The following KIAA1958 variants were observed in gnomAD, a reference collection of about 807,000 sequenced individuals.
The protein encoded by KIAA1958 is KIAA1958, also known as uncharacterized protein KIAA1958.
KIAA1958 carries 14 observed loss-of-function variants against 47.2 expected under a neutral mutation model. The observed-to-expected ratio is 0.30, with a 90% CI of 0.20 to 0.46. The LOEUF is 0.46. KIAA1958 is among the 20% of genes least tolerant of loss of function. The pLI is 1.00. For synonymous variants in KIAA1958, 354 were observed against 353.3 expected (o/e 1.00, Z -0.02); for missense variants, 803 against 909.2 (o/e 0.88, Z 1.50).
intron 1 of KIAA1958, among the ~76,000 whole-genome samples, chr9:112,519,218 A>G (rs1834495261): frequency 6.6e-6 from 1 of 152,182 alleles, no homozygotes; most frequent in Non-Finnish European, 1.5e-5. Context: ...TGTTAGGATT[A>G]CAGACATGAG....
Position 112,667,030 on chromosome 9 carries a change from C to T in KIAA1958, c.*6961C>T, listed in dbSNP as rs926331112. On this transcript the variant is annotated 3_prime_UTR_variant, in exon 4 of 4. Coordinates refer to ENST00000337530, the MANE Select transcript of KIAA1958 (RefSeq NM_133465.4). Reference sequence around the variant, plus strand: ...CAATAAATACCTGAGTAGCAGAACACGCAAATATTATGATTTTTTATGTAT... The same window carrying T: ...CAATAAATACCTGAGTAGCAGAACATGCAAATATTATGATTTTTTATGTAT... The T allele has an allele frequency of 2.6e-5, 4 of 152,090 alleles. No individual in the cohort carries two copies. The highest frequency in any genetic ancestry group is 9.7e-5 in the African/African-American group (4 of 41,402). 9.4% of individuals were successfully genotyped at this position (152,090 alleles called of 1,614,324 possible).
At chr9:112,634,468 T>C (rs1434678199) in intron 2 of KIAA1958, among the ~76,000 whole-genome samples, 1 of 152,198 alleles carries the variant, frequency 6.6e-6, no homozygotes, top group African/African-American at 2.4e-5. Flanking sequence ...TGACCTCAAG[T>C]GATCCGCCAG....
chr9:112,489,409 A>G (rs1036048270), intron 1 of KIAA1958, among the ~76,000 whole-genome samples: 8 of 151,648 alleles, frequency 5.3e-5, no homozygotes, highest in African/African-American at 1.9e-4. Context: ...GTTTTCTGAG[A>G]TCATCAATGT....
At chr9:112,553,621 C>T (rs1412299412) in intron 1 of KIAA1958, among the ~76,000 whole-genome samples, 4 of 152,294 alleles carry the variant, frequency 2.6e-5, no homozygotes, top group Middle Eastern at 3.4e-3. Flanking sequence ...GAGCTTGGAA[C>T]AACATAGTAA....
rs1391605378 is a variant in KIAA1958 at position 112,618,014 on chromosome 9, A to G, written c.1172-27636A>G. The stretch of plus-strand genomic sequence containing the variant: ...AAGAGAGATTTATGTCATCCCTTGC[A>G]AGGAGTTGGATGCCTACCTTGCCTC... On this transcript the variant is annotated intron_variant, in intron 2 of 3. Transcript: ENST00000337530. The surrounding 1 kb of genome is among the most constrained non-coding windows in gnomAD (Gnocchi z 7.1). The G allele has an allele frequency of 5.8e-6, 9 of 1,550,458 alleles. No individual in the cohort carries two copies. Among genetic ancestry groups the G allele is most frequent in the Non-Finnish European group, 6.1e-6 (7 of 1,147,006 alleles).
chr9:112,550,026 A>G (rs569824447), intron 1 of KIAA1958, among the ~76,000 whole-genome samples: 2 of 152,174 alleles, frequency 1.3e-5, no homozygotes, highest in Non-Finnish European at 2.9e-5. Context: ...AGTTACCATG[A>G]TTTGGCTAAC....
chr9:112,556,674 A>C (rs1835247675), intron 1 of KIAA1958, among the ~76,000 whole-genome samples: 1 of 152,174 alleles, frequency 6.6e-6, no homozygotes, highest in Non-Finnish European at 1.5e-5. Context: ...AAGATTGTAC[A>C]GGCTTTCTGA....
chr9:112,603,863 AT>A (rs1422793579), intron 2 of KIAA1958, among the ~76,000 whole-genome samples: 1 of 152,214 alleles, frequency 6.6e-6, no homozygotes, highest in Non-Finnish European at 1.5e-5. Flanking sequence ...TACTTTTCAA[AT>A]TTAAAATACA....
chr9:112,591,975 A>C (rs777996693), intron 2 of KIAA1958, among the ~76,000 whole-genome samples: 8 of 152,180 alleles, frequency 5.3e-5, no homozygotes, highest in Non-Finnish European at 8.8e-5. Context: ...TCCCTGACGC[A>C]CGTGGCCCTT....
chr9:112,572,239 C>G (rs1011104443), intron 1 of KIAA1958, among the ~76,000 whole-genome samples: 4 of 152,036 alleles, frequency 2.6e-5, no homozygotes, highest in Non-Finnish European at 5.9e-5. Flanking sequence ...TAAAAGTGAT[C>G]TGAGGAAAAT....
chr9:112,601,332 A>G (rs979046867), intron 2 of KIAA1958, among the ~76,000 whole-genome samples: 6 of 152,296 alleles, frequency 3.9e-5, no homozygotes, highest in South Asian at 2.1e-4. Flanking sequence ...TTTAACAGCT[A>G]TTCTGCCTGG....
intron 1 of KIAA1958, among the ~76,000 whole-genome samples, chr9:112,528,175 C>G (rs1285540417): frequency 6.6e-6 from 1 of 152,172 alleles, no homozygotes; most frequent in Admixed American, 6.5e-5. Flanking sequence ...AGTCACCCAT[C>G]TTACCATATC....
At chr9:112,615,280 C>A (rs1235509777) in intron 2 of KIAA1958, among the ~76,000 whole-genome samples, 1 of 151,902 alleles carries the variant, frequency 6.6e-6, no homozygotes, top group Non-Finnish European at 1.5e-5. Flanking sequence ...ATTAGCCAGG[C>A]ATGATGGCGG....
chr9:112,582,327 G>A (rs749627461), intron 2 of KIAA1958, among the ~76,000 whole-genome samples: 4 of 152,146 alleles, frequency 2.6e-5, no homozygotes, highest in Non-Finnish European at 5.9e-5. Context: ...TTGCATGCCT[G>A]TATCAAAATA....
intron 3 of KIAA1958, among the ~76,000 whole-genome samples, chr9:112,656,266 C>T (rs181052379): frequency 6.8e-6 from 1 of 146,748 alleles, no homozygotes; most frequent in Non-Finnish European, 1.5e-5. Context: ...CTCAGCTACT[C>T]GGGAGGCTGA....
rs186850845 is a variant in KIAA1958, at chr9:112,610,323, A to G, written c.1171+35072A>G. ...CCAATTCAAGAGGTTAGAAAAAAAG[A>G]TTTAAAGCAGAAGGAAAGATAGTTA... On this transcript the variant is annotated intron_variant, in intron 2 of 3. Coordinates refer to ENST00000337530, the MANE Select transcript of KIAA1958 (RefSeq NM_133465.4). Among the ~76,000 whole-genome samples the G allele has an allele frequency of 5.4e-3, 824 of 152,122 alleles. 11 individuals carry two copies. The highest frequency in any genetic ancestry group is 0.019 in the African/African-American group (791 of 41,556).
At chr9:112,637,364 G>C (rs1480481174) in intron 2 of KIAA1958, among the ~76,000 whole-genome samples, 1 of 151,996 alleles carries the variant, frequency 6.6e-6, no homozygotes. Context: ...GACTGCAGCT[G>C]CATTTTACCT....
At chr9:112,576,501 A>G (rs1397463019) in intron 2 of KIAA1958, among the ~76,000 whole-genome samples, 1 of 152,178 alleles carries the variant, frequency 6.6e-6, no homozygotes, top group East Asian at 1.9e-4. Context: ...ATACCCATTA[A>G]CAGTCACTTT....
At chr9:112,577,459 A>G (rs1835664857) in intron 2 of KIAA1958, among the ~76,000 whole-genome samples, 1 of 151,998 alleles carries the variant, frequency 6.6e-6, no homozygotes, top group African/African-American at 2.4e-5. Context: ...GTAGGATATA[A>G]GTAGCACCTT....
Sources: allele counts gnomAD v4.1 joint callset (sites outside exome capture counted in the v4.1 genomes callset), GRCh38; gene constraint gnomAD v4.1.1; non-coding constraint Gnocchi (gnomAD v3.1); transcripts MANE v1.5; gene names NCBI Gene and HGNC (gene_info 2026-07-23, HGNC 2026-07-21).